SBNO2: variants seen among roughly 807,000 people sequenced by gnomAD.
The protein encoded by SBNO2 is strawberry notch homolog 2, also known as protein strawberry notch homolog 2.
Under a neutral mutation model 146.3 loss-of-function variants are expected in SBNO2, and 89 were observed. That is an observed-to-expected ratio of 0.61 (90% CI 0.51 to 0.73). SBNO2 has a LOEUF of 0.73. SBNO2 is among the 30% of genes least tolerant of loss of function. The pLI, the probability that SBNO2 is intolerant of heterozygous loss-of-function variation, is 0.00. For missense variants in SBNO2, 2,092 were observed against 2,003.7 expected (o/e 1.04, Z -0.84); for synonymous variants, 1,147 against 892.6 (o/e 1.29, Z -5.08).
intron 2 of SBNO2, among the ~76,000 whole-genome samples, chr19:1,152,960 G>A (rs905574194): frequency 2.0e-5 from 3 of 151,968 alleles, no homozygotes; most frequent in Non-Finnish European, 4.4e-5. Context: ...TGAGACCAGC[G>A]TGTCCAACGG....
At chr19:1,134,452 G>A (rs972801575) in intron 4 of SBNO2, among the ~76,000 whole-genome samples, 6 of 147,342 alleles carry the variant, frequency 4.1e-5, no homozygotes, top group South Asian at 4.1e-4. Context: ...ACTGGAACAC[G>A]ACCCAGCCAT....
At chr19:1,168,488 G>A (rs745707561) in intron 1 of SBNO2, among the ~76,000 whole-genome samples, 31 of 152,164 alleles carry the variant, frequency 2.0e-4, no homozygotes, top group South Asian at 4.1e-4. Flanking sequence ...GCTCCTCACC[G>A]TCCCCCGTGG....
At chr19:1,146,709 G>A (rs1367188351) in intron 4 of SBNO2, among the ~76,000 whole-genome samples, 1 of 148,496 alleles carries the variant, frequency 6.7e-6, no homozygotes, top group Admixed American at 6.7e-5. Context: ...ACCCCTTGGG[G>A]AAGGCTGTGA....
intron 17 of SBNO2, chr19:1,115,548 C>T (rs960707281): frequency 6.1e-6 from 1 of 163,322 alleles, no homozygotes; most frequent in African/African-American, 2.4e-5. Flanking sequence ...GCCAACGGGA[C>T]AATATTAATA....
In SBNO2 at chr19:1,144,194, A is replaced by G. The variant is rs906021988; in HGVS notation, c.279+3115T>C. On this transcript the variant is annotated intron_variant, in intron 4 of 31. Coordinates refer to ENST00000361757, the MANE Select transcript of SBNO2 (RefSeq NM_014963.3). This position sits in a 1 kb window ranked among gnomAD's most constrained non-coding sequence, Gnocchi z 4.1. ...CGCATCCCGTCCCACACTCGACACC[A>G]CAGAACCTTGCGGCCCAGCCCACAG... is the stretch of plus-strand genomic sequence containing the variant. 1.3e-5 allele frequency among the ~76,000 whole-genome samples: 2 copies of G among 149,306 alleles called. No homozygotes were observed. Among genetic ancestry groups the G allele is most frequent in the Admixed American group, 6.7e-5 (1 of 15,028 alleles).
Position 1,158,473 on chromosome 19 carries a change from C to T in SBNO2, c.-126-4071G>A, listed in dbSNP as rs1045005066. Among the ~76,000 whole-genome samples the T allele has an allele frequency of 1.3e-5, 2 of 152,102 alleles. No individual in the cohort carries two copies. The highest frequency in any genetic ancestry group is 2.4e-5 in the African/African-American group (1 of 41,392). On this transcript the variant is annotated intron_variant, in intron 1 of 31. Coordinates refer to ENST00000361757, the MANE Select transcript of SBNO2 (RefSeq NM_014963.3). This position sits in a 1 kb window ranked among gnomAD's most constrained non-coding sequence, Gnocchi z 9.9. ...GCGGAGACCCTGAGAAGACACTGGC[C>T]GCAGAGCCATAACCGAGACCACGGG...
intron 1 of SBNO2, among the ~76,000 whole-genome samples, chr19:1,164,412 AGG>A (rs1167624776): frequency 3.4e-5 from 3 of 87,484 alleles, no homozygotes; most frequent in South Asian, 1.1e-3. Flanking sequence ...GAGGAGGAGG[AGG>A]AGGAACAGGA....
At position 1,144,069 on chromosome 19, in the gene SBNO2, G is replaced by A. The variant is rs1316985130; in HGVS notation, c.279+3240C>T. Among the ~76,000 whole-genome samples the A allele has an allele frequency of 2.6e-5, 4 of 152,218 alleles. No individual in the cohort carries two copies. The highest frequency in any genetic ancestry group is 5.9e-5 in the Non-Finnish European group (4 of 68,020). On this transcript the variant is annotated intron_variant, in intron 4 of 31. Transcript: ENST00000361757. This position sits in a 1 kb window ranked among gnomAD's most constrained non-coding sequence, Gnocchi z 4.1. ...CAAAGGGCCTCGAACACCAGGCTCA[G>A]GTCTGGGCTCCTTCCTGGCTCCGCA...
rs374354270 is a variant in SBNO2 at position 1,159,976 on chromosome 19, C to T, written c.-126-5574G>A. ...GGAGACCCCAGAGTGTCCGGCGCTG[C>T]CCCTGCCCACGCCAGTGCTGCTCTC... On this transcript the variant is annotated intron_variant, in intron 1 of 31. Coordinates refer to ENST00000361757, the MANE Select transcript of SBNO2 (RefSeq NM_014963.3). 1.4e-3 allele frequency among the ~76,000 whole-genome samples: 213 copies of T among 152,192 alleles called. 1 individual carries two copies. The highest frequency in any genetic ancestry group is 4.7e-3 in the African/African-American group (195 of 41,532).
At chr19:1,118,940 T>C in intron 14 of SBNO2, 71 bp downstream of exon 14, 1 of 1,486,522 alleles carries the variant, frequency 6.7e-7, no homozygotes, top group Non-Finnish European at 9.1e-7. Flanking sequence ...CTGTGGCATC[T>C]GCAAGGCCAC....
rs770380045 is a variant in SBNO2, at chr19:1,117,330, C to T, written c.1697G>A (p.Arg566Gln). Reference sequence around the variant, plus strand: ...AAGGCCGCAGCCGCTCACCTTGTCTCGCGCCAGCTCCTCTCGGGCCAGCTC... The same window carrying T: ...AAGGCCGCAGCCGCTCACCTTGTCTTGCGCCAGCTCCTCTCGGGCCAGCTC... ...LVELAREELA[R>Q]DKCVVIGLQS... The change falls in exon 15 of 32, where the codon CGA becomes CAA. Residue 566 changes from arginine to glutamine, a missense_variant. Coordinates refer to ENST00000361757, the MANE Select transcript of SBNO2 (RefSeq NM_014963.3). 2.7e-5 allele frequency: 42 copies of T among 1,565,000 alleles called. No homozygotes were observed. The East Asian group carries it at 6.0e-4, about 22-fold the overall frequency.
At position 1,142,667 on chromosome 19, in the gene SBNO2, G is replaced by A. The variant is rs368492391; in HGVS notation, c.279+4642C>T. 1.1e-4 allele frequency among the ~76,000 whole-genome samples: 16 copies of A among 151,944 alleles called. No individual in the cohort carries two copies. In the East Asian group the frequency reaches 1.2e-3, roughly 11 times the overall value. Reference sequence around the variant, plus strand: ...TGCACTCCAGCCTGGGTGACAGAGCGAGACTCCGTCTCAAAAAACAATAGG... The same window carrying A: ...TGCACTCCAGCCTGGGTGACAGAGCAAGACTCCGTCTCAAAAAACAATAGG... On this transcript the variant is annotated intron_variant, in intron 4 of 31. Transcript: ENST00000361757.
intron 3 of SBNO2, among the ~76,000 whole-genome samples, chr19:1,148,107 C>T (rs1253609339): frequency 6.6e-6 from 1 of 152,000 alleles, no homozygotes; most frequent in Non-Finnish European, 1.5e-5. Context: ...GCCAGGCTCC[C>T]CAGGCTCTCC....
chr19:1,125,654 C>T (rs2079956812), intron 5 of SBNO2, among the ~76,000 whole-genome samples: 1 of 150,498 alleles, frequency 6.6e-6, no homozygotes, highest in African/African-American at 2.5e-5. Flanking sequence ...GCCTGGGCGA[C>T]AAGAGCGAGA....
chr19:1,169,596 G>A (rs958501783), intron 1 of SBNO2, among the ~76,000 whole-genome samples: 3 of 152,162 alleles, frequency 2.0e-5, no homozygotes, highest in African/African-American at 7.2e-5. Flanking sequence ...CCGGGGGGTG[G>A]GGTGATGCCA....
intron 10 of SBNO2, 55 bp from the exon 11 acceptor site, chr19:1,122,337 C>T (rs1018451182): frequency 6.6e-7 from 1 of 1,516,260 alleles, no homozygotes; most frequent in Non-Finnish European, 8.9e-7. Context: ...AGGCTCTGGA[C>T]CTGGGTCTCC....
chr19:1,117,599 G>T, intron 14 of SBNO2, 100 bp from the exon 15 acceptor site: 2 of 1,266,034 alleles, frequency 1.6e-6, no homozygotes, highest in Non-Finnish European at 2.1e-6. Flanking sequence ...GCATCCCCAC[G>T]CCAGGTGGAA....
chr19:1,118,295 G>A (rs1200815251), intron 14 of SBNO2, among the ~76,000 whole-genome samples: 1 of 151,980 alleles, frequency 6.6e-6, no homozygotes, highest in Admixed American at 6.6e-5. Flanking sequence ...CCAAGATCGT[G>A]CCATTGCACT....
chr19:1,155,390 G>C (rs1458699515), intron 1 of SBNO2, among the ~76,000 whole-genome samples: 1 of 152,068 alleles, frequency 6.6e-6, no homozygotes, highest in Non-Finnish European at 1.5e-5. Context: ...AGGCACAGTG[G>C]GGGTCACCCT....
Sources: gnomAD v4.1 joint callset for allele counts (sites outside exome capture counted in the v4.1 genomes callset) on GRCh38, gnomAD v4.1.1 for gene constraint, Gnocchi (gnomAD v3.1) non-coding constraint, MANE v1.5 for transcripts, NCBI Gene and HGNC (gene_info 2026-07-23, HGNC 2026-07-21) for gene names.